ANKRD11: variants seen among roughly 807,000 people sequenced by gnomAD.
ANKRD11 encodes ankyrin repeat domain-containing protein 11.
Under a neutral mutation model 195.7 loss-of-function variants are expected in ANKRD11, and 17 were observed. That is an observed-to-expected ratio of 0.09 (90% confidence interval 0.06 to 0.13). The LOEUF (loss-of-function observed/expected upper bound fraction) is 0.13. ANKRD11 is among the 10% of genes least tolerant of loss of function. The pLI, the probability that ANKRD11 is intolerant of heterozygous loss-of-function variation, is 1.00. For synonymous variants in ANKRD11, 1,953 were observed against 1,528.1 expected (o/e 1.28, Z -6.49); for missense variants, 3,735 against 3,566.1 (o/e 1.05, Z -1.21).
chr16:89,288,788 C>A, intron 6 of ANKRD11, 118 bp from the exon 7 acceptor site: 1 of 1,443,436 alleles, frequency 6.9e-7, no homozygotes, highest in South Asian at 1.2e-5. Context: ...GGGAGCTGCC[C>A]TGTAGTGAGG....
At chr16:89,419,556 C>T (rs990860314) in intron 1 of ANKRD11, among the ~76,000 whole-genome samples, 1 of 152,028 alleles carries the variant, frequency 6.6e-6, no homozygotes, top group Non-Finnish European at 1.5e-5. Flanking sequence ...GAAAAAAAAT[C>T]TATACCCATG....
In ANKRD11 at chr16:89,280,685, G is replaced by C. The variant is rs767333781; in HGVS notation, c.5857C>G (p.Pro1953Ala). 2.5e-6 allele frequency: 4 copies of C among 1,613,244 alleles called. No homozygotes were observed. The highest frequency in any genetic ancestry group is 2.2e-5 in the East Asian group (1 of 44,882). The change falls in exon 9 of 13, where the codon CCC becomes GCC. Residue 1953 changes from proline (P) to alanine (A), a missense_variant. Coordinates refer to ENST00000301030, the MANE Select transcript of ANKRD11 (RefSeq NM_013275.6). ...CTAGAGGCAAGCGCCTGCTCGGAGG[G>C]GTGGGCCCACTCAACGGGCTCCTCG... Reference protein sequence around the residue: ...ITEEPVEWAHPSEQALASSLI... With the variant: ...ITEEPVEWAHASEQALASSLI...
At position 89,267,647 on chromosome 16, in the gene ANKRD11, A is replaced by C. The variant is rs2032747223; in HGVS notation, c.*831T>G. The C allele has an allele frequency of 6.6e-6, 1 of 152,302 alleles. No individual in the cohort carries two copies. The highest frequency in any genetic ancestry group is 2.1e-4 in the South Asian group (1 of 4,834). 9.4% of individuals were successfully genotyped at this position (152,302 alleles called of 1,614,324 possible). ...AAAGAGCATTTTAATTAATTTATTT[A>C]TTTCTTTACACATAACTGAAAGTGA... On this transcript the variant is annotated 3_prime_UTR_variant, in exon 13 of 13. Coordinates refer to ENST00000301030, the MANE Select transcript of ANKRD11 (RefSeq NM_013275.6).
chr16:89,407,242 C>T (rs980316516), intron 2 of ANKRD11, among the ~76,000 whole-genome samples: 1 of 150,620 alleles, frequency 6.6e-6, no homozygotes, highest in Non-Finnish European at 1.5e-5. Context: ...AGAAGGCACA[C>T]GAGGAACATC....
At position 89,315,894 on chromosome 16, in the gene ANKRD11, G is replaced by A. The variant is rs999072942; in HGVS notation, c.87+1039C>T. On this transcript the variant is annotated intron_variant, in intron 3 of 12. Transcript: ENST00000301030. Reference sequence around the variant, plus strand: ...ACACCAAACCCACAACATGAGCAGAGAGGCTGCAGCACAGCAGCACAGGAA... The same window carrying A: ...ACACCAAACCCACAACATGAGCAGAAAGGCTGCAGCACAGCAGCACAGGAA... 2.6e-5 allele frequency among the ~76,000 whole-genome samples: 4 copies of A among 152,002 alleles called. No individual in the cohort carries two copies. In the South Asian group the frequency reaches 8.3e-4, roughly 31 times the overall value.
At chr16:89,469,525 T>G (rs1338774564) in intron 1 of ANKRD11, among the ~76,000 whole-genome samples, 1 of 151,756 alleles carries the variant, frequency 6.6e-6, no homozygotes, top group African/African-American at 2.4e-5. Flanking sequence ...ACCTGGTTGA[T>G]CTCCACTCAT....
chr16:89,337,653 G>T (rs113840525), intron 2 of ANKRD11, among the ~76,000 whole-genome samples: 15 of 151,962 alleles, frequency 9.9e-5, no homozygotes, highest in African/African-American at 3.6e-4. Flanking sequence ...TGTTAGCCAG[G>T]ATGGTCTCAA....
intron 2 of ANKRD11, among the ~76,000 whole-genome samples, chr16:89,369,231 A>G (rs1302335013): frequency 1.3e-5 from 2 of 151,962 alleles, no homozygotes; most frequent in Non-Finnish European, 2.9e-5. Context: ...GTCTCCAAAC[A>G]AAAGGCAGTG....
At chr16:89,357,506 G>C (rs2039538234) in intron 2 of ANKRD11, among the ~76,000 whole-genome samples, 2 of 152,196 alleles carry the variant, frequency 1.3e-5, no homozygotes, top group South Asian at 4.1e-4. Flanking sequence ...TGATCCAGCA[G>C]TTCCCCTTCT....
intron 2 of ANKRD11, among the ~76,000 whole-genome samples, chr16:89,415,215 A>C (rs554521361): frequency 1.4e-4 from 21 of 149,598 alleles, no homozygotes; most frequent in African/African-American, 4.9e-4. Context: ...CTTCCTCCCA[A>C]AGTGCTGGGA....
At position 89,281,021 on chromosome 16, in the gene ANKRD11, C is replaced by A; in HGVS notation, c.5521G>T (p.Glu1841Ter). The stretch of plus-strand genomic sequence containing the variant: ...CCTGGCGACAAGCAGGCAAACTTCT[C>A]CGCGGGAACCGGGGGCAGGGGCGCC... ...DRAPLPPVPAEKFACLSPGYY... is the reference protein window; with the variant it reads ...DRAPLPPVPA The change falls in exon 9 of 13, where the codon GAG becomes TAG. Residue 1841 changes from glutamate to a stop codon, truncating the protein, a stop_gained. Transcript: ENST00000301030. LOFTEE classifies it high-confidence loss of function. The surrounding 1 kb of genome is among the most constrained non-coding windows in gnomAD (Gnocchi z 5.5). The A allele has an allele frequency of 6.3e-7, 1 of 1,591,622 alleles. No homozygotes were observed. The highest frequency in any genetic ancestry group is 8.6e-7 in the Non-Finnish European group (1 of 1,167,524).
Position 89,389,713 on chromosome 16 carries a change from G to A in ANKRD11, c.-60+28571C>T, listed in dbSNP as rs138608148. 6.4e-3 allele frequency among the ~76,000 whole-genome samples: 971 copies of A among 152,146 alleles called. 15 individuals are homozygous for A. Among genetic ancestry groups the A allele is most frequent in the African/African-American group, 0.022 (926 of 41,468 alleles). On this transcript the variant is annotated intron_variant, in intron 2 of 12. Coordinates refer to ENST00000301030, the MANE Select transcript of ANKRD11 (RefSeq NM_013275.6). The stretch of plus-strand genomic sequence containing the variant: ...AACACTGAGTGTGGCAGGGAGCACC[G>A]AGAGAGAAGATCACTGGGGCAAACA...
chr16:89,416,047 A>G (rs1449440311), intron 2 of ANKRD11, among the ~76,000 whole-genome samples: 2 of 152,054 alleles, frequency 1.3e-5, no homozygotes, highest in African/African-American at 4.8e-5. Flanking sequence ...CACCACAGGC[A>G]AACAAAAGAC....
intron 2 of ANKRD11, among the ~76,000 whole-genome samples, chr16:89,319,740 C>A (rs2037188111): frequency 6.6e-6 from 1 of 152,240 alleles, no homozygotes; most frequent in South Asian, 2.1e-4. Flanking sequence ...TGCCATCTAG[C>A]CCAGGCTACA....
In ANKRD11 at chr16:89,281,974, G is replaced by A. The variant is rs942199653; in HGVS notation, c.4568C>T (p.Pro1523Leu). ...VLKDKSRDEG[P>L]RLGDAKLKEK... The stretch of plus-strand genomic sequence containing the variant: ...CTTCAGTTTGGCATCGCCGAGCCTC[G>A]GGCCCTCGTCCCTGGACTTGTCTTT... Residue 1523 changes from proline (P) to leucine (L), a missense_variant, in exon 9 of 13, where the codon CCG (proline) becomes CTG (leucine). By Grantham distance (98) the Pro-to-Leu change is moderately conservative. Coordinates refer to ENST00000301030, the MANE Select transcript of ANKRD11 (RefSeq NM_013275.6). The surrounding 1 kb of genome is among the most constrained non-coding windows in gnomAD (Gnocchi z 5.5). 1.1e-5 allele frequency: 18 copies of A among 1,612,666 alleles called. No homozygotes were observed. The highest frequency in any genetic ancestry group is 2.2e-5 in the East Asian group (1 of 44,880).
chr16:89,305,402 A>G, intron 3 of ANKRD11, 58 bp from the exon 4 acceptor site: 1 of 1,610,630 alleles, frequency 6.2e-7, no homozygotes, highest in Non-Finnish European at 8.5e-7. Context: ...TCAAGCTCTC[A>G]AGATTTTGTT....
chr16:89,485,125 G>C (rs563478835), intron 1 of ANKRD11, among the ~76,000 whole-genome samples: 1 of 152,088 alleles, frequency 6.6e-6, no homozygotes. Context: ...CAGACAGGAC[G>C]GCTTACTTTT....
chr16:89,450,758 A>T (rs2044033184), intron 1 of ANKRD11, among the ~76,000 whole-genome samples: 1 of 152,156 alleles, frequency 6.6e-6, no homozygotes, highest in African/African-American at 2.4e-5. Context: ...CAGCCTCCAA[A>T]ACTGGCGGGA....
intron 2 of ANKRD11, among the ~76,000 whole-genome samples, chr16:89,363,130 C>A (rs1257433928): frequency 6.6e-6 from 1 of 152,106 alleles, no homozygotes; most frequent in African/African-American, 2.4e-5. Flanking sequence ...GGCACCAGGG[C>A]ACAAGCATTT....
Sources: gnomAD v4.1 joint callset for allele counts (sites outside exome capture counted in the v4.1 genomes callset) on GRCh38, gnomAD v4.1.1 for gene constraint, Gnocchi (gnomAD v3.1) non-coding constraint, MANE v1.5 for transcripts, NCBI Gene and HGNC (gene_info 2026-07-23, HGNC 2026-07-21) for gene names.